The following FBXL17 variants were observed in gnomAD, a reference collection of about 807,000 sequenced individuals.
The protein encoded by FBXL17 is F-box and leucine rich repeat protein 17.
Under a neutral mutation model 66.2 loss-of-function variants are expected in FBXL17, and 22 were observed. The ratio of observed to expected loss-of-function variants is 0.33; its 90% confidence interval spans 0.24 to 0.47. The LOEUF is 0.47. Among genes scored for constraint, FBXL17 ranks in the 20% least tolerant of loss-of-function variants. FBXL17 has a pLI of 1.00. For synonymous variants in FBXL17, 474 were observed against 400.5 expected, an observed-to-expected ratio of 1.18 and a Z score of -2.19; for missense variants, 878 against 948.2, an observed-to-expected ratio of 0.93 and a Z score of 0.97.
At chr5:108,311,558 C>CAA (rs1759118575) in intron 4 of FBXL17, among the ~76,000 whole-genome samples, 1 of 152,066 alleles carries the variant, frequency 6.6e-6, no homozygotes, top group South Asian at 2.1e-4. Context: ...TCCAAATGTA[C>CAA]AATACATTAT....
rs766851170 is a variant in FBXL17 at position 107,980,383 on chromosome 5, C to T, written c.1822+40542G>A. Among the ~76,000 whole-genome samples the T allele has an allele frequency of 3.1e-4, 46 of 149,290 alleles. No homozygotes were observed. In the Middle Eastern group the frequency reaches 0.01, roughly 33 times the overall value. On this transcript the variant is annotated intron_variant, in intron 7 of 8. Transcript: ENST00000542267. Reference sequence around the variant, plus strand: ...ACAGGTATTACAGATCTAAAACCACCCACAAATTTTACTTAATATTTTTTT... The same window carrying T: ...ACAGGTATTACAGATCTAAAACCACTCACAAATTTTACTTAATATTTTTTT...
intron 4 of FBXL17, among the ~76,000 whole-genome samples, chr5:108,317,818 A>G (rs1055712280): frequency 1.3e-5 from 2 of 151,516 alleles, no homozygotes; most frequent in African/African-American, 4.8e-5. Context: ...TTAGTGTAAA[A>G]GTATTAATGT....
At position 108,381,138 on chromosome 5, in the gene FBXL17, G is replaced by T; in HGVS notation, c.554C>A (p.Ser185Ter). 2.9e-6 allele frequency: 4 copies of T among 1,383,488 alleles called. No individual in the cohort carries two copies. Among genetic ancestry groups the T allele is most frequent in the Non-Finnish European group, 3.7e-6 (4 of 1,071,772 alleles). 85.7% of individuals were successfully genotyped at this position (1,383,488 alleles called of 1,614,324 possible). A position where few individuals can be genotyped will look rare whatever the true frequency, so the allele number is the denominator to read the frequency against. Residue 185 changes from serine to a stop codon, truncating the protein, a stop_gained, in exon 1 of 9, where the codon TCA (serine) becomes TAA (stop). Transcript: ENST00000542267. LOFTEE classifies it high-confidence loss of function. ...GGGGGGCGTAGGGAGCTCGGCCGGT[G>T]ACGGTGTCGGCCCCCGGAAGAGCTG... ...AVQLFRGPTP[S>*]PAELPTPPEM... is the part of the protein sequence containing the mutation.
At chr5:108,156,223 C>T (rs187813276) in intron 6 of FBXL17, among the ~76,000 whole-genome samples, 54 of 151,962 alleles carry the variant, frequency 3.6e-4, no homozygotes, top group Middle Eastern at 3.4e-3. Flanking sequence ...TAAGAGATCA[C>T]GTTATTTATT....
At chr5:108,214,581 A>G (rs990628285) in intron 5 of FBXL17, among the ~76,000 whole-genome samples, 2 of 152,034 alleles carry the variant, frequency 1.3e-5, no homozygotes, top group African/African-American at 4.8e-5. Flanking sequence ...CATATTGGCC[A>G]TGCTGGTCTC....
At chr5:108,336,964 T>C (rs985633995) in intron 4 of FBXL17, among the ~76,000 whole-genome samples, 3 of 152,040 alleles carry the variant, frequency 2.0e-5, no homozygotes, top group African/African-American at 7.2e-5. Context: ...TTCTTCCTTA[T>C]CTCAAAGAGA....
chr5:108,021,995 G>C (rs895884396), intron 6 of FBXL17, among the ~76,000 whole-genome samples: 4 of 151,714 alleles, frequency 2.6e-5, no homozygotes, highest in Non-Finnish European at 5.9e-5. Flanking sequence ...TTTATTTGCT[G>C]TCTGGCTTAT....
intron 7 of FBXL17, among the ~76,000 whole-genome samples, chr5:108,017,793 T>G (rs1394572489): frequency 6.6e-6 from 1 of 152,216 alleles, no homozygotes; most frequent in East Asian, 1.9e-4. Flanking sequence ...GTGTCTGAAT[T>G]ATTGATTTGT....
chr5:108,110,853 T>A (rs1750006289), intron 6 of FBXL17, among the ~76,000 whole-genome samples: 1 of 152,128 alleles, frequency 6.6e-6, no homozygotes, highest in Non-Finnish European at 1.5e-5. Flanking sequence ...TTTATTAGGA[T>A]GGCATTTGAT....
intron 7 of FBXL17, among the ~76,000 whole-genome samples, chr5:107,925,265 T>C (rs1750488890): frequency 6.6e-6 from 1 of 152,232 alleles, no homozygotes; most frequent in Admixed American, 6.5e-5. Context: ...TTCATCTCTA[T>C]TCTAAAAAGA....
intron 4 of FBXL17, among the ~76,000 whole-genome samples, chr5:108,241,447 G>C (rs1755850413): frequency 6.6e-6 from 1 of 151,572 alleles, no homozygotes; most frequent in Non-Finnish European, 1.5e-5. Context: ...AAATACATAG[G>C]GGAAACAAAG....
intron 4 of FBXL17, chr5:108,301,977 T>C: frequency 4.1e-6 from 4 of 975,222 alleles, no homozygotes; most frequent in Non-Finnish European, 4.9e-6. Context: ...TAAGAATACC[T>C]CCTAGTAGGA....
chr5:108,247,782 A>G (rs1756170452), intron 4 of FBXL17, among the ~76,000 whole-genome samples: 1 of 152,188 alleles, frequency 6.6e-6, no homozygotes, highest in Non-Finnish European at 1.5e-5. Context: ...ATTCATCTAC[A>G]TGATACTTGT....
intron 1 of FBXL17, among the ~76,000 whole-genome samples, chr5:108,377,144 G>C (rs1749494840): frequency 6.6e-6 from 1 of 152,112 alleles, no homozygotes; most frequent in Non-Finnish European, 1.5e-5. Context: ...TCTTTAATCT[G>C]TATCTGGGTT....
intron 4 of FBXL17, among the ~76,000 whole-genome samples, chr5:108,316,578 A>G (rs937804599): frequency 6.6e-6 from 1 of 151,374 alleles, no homozygotes; most frequent in Admixed American, 6.6e-5. Context: ...ATATCAAAAC[A>G]CTGAAGAGCA....
intron 4 of FBXL17, among the ~76,000 whole-genome samples, chr5:108,292,654 T>C (rs2150164478): frequency 6.6e-6 from 1 of 152,304 alleles, no homozygotes; most frequent in East Asian, 1.9e-4. Context: ...ACTTAAGCAA[T>C]GCTCGAAGTG....
At chr5:108,059,066 C>A (rs1747822848) in intron 6 of FBXL17, among the ~76,000 whole-genome samples, 1 of 152,150 alleles carries the variant, frequency 6.6e-6, no homozygotes, top group Non-Finnish European at 1.5e-5. Flanking sequence ...TATTGCGGAA[C>A]AAAGGCTCGT....
At position 108,346,752 on chromosome 5, in the gene FBXL17, T is replaced by C. The variant is rs1186509991; in HGVS notation, c.1506+1647A>G. On this transcript the variant is annotated intron_variant, in intron 4 of 8. Coordinates refer to ENST00000542267, the MANE Select transcript of FBXL17 (RefSeq NM_001163315.3). ...GTCATTTAATCGTCAAAACTATAAC[T>C]AGCAAATAGACAGATATCAATAACT... 2.0e-5 allele frequency among the ~76,000 whole-genome samples: 3 copies of C among 152,136 alleles called. No individual in the cohort carries two copies. In the South Asian group the frequency reaches 6.2e-4, roughly 31 times the overall value.
chr5:108,365,088 C>G, intron 2 of FBXL17, 93 bp from the exon 3 acceptor site: 2 of 848,344 alleles, frequency 2.4e-6, no homozygotes, highest in Non-Finnish European at 3.6e-6. Context: ...AAACAATATA[C>G]TAATTAGATT....
Sources: allele counts gnomAD v4.1 joint callset (sites outside exome capture counted in the v4.1 genomes callset), GRCh38; gene constraint gnomAD v4.1.1; transcripts MANE v1.5; gene names NCBI Gene and HGNC (gene_info 2026-07-23, HGNC 2026-07-21).